The following FAM135B variants were observed in gnomAD, a reference collection of about 807,000 sequenced individuals.
The protein encoded by FAM135B is protein FAM135B.
In FAM135B, 43 loss-of-function variants were observed where a neutral mutation model predicts 127.7. The ratio of observed to expected loss-of-function variants is 0.34; its 90% confidence interval spans 0.26 to 0.43. FAM135B has a LOEUF of 0.43. Ranked by LOEUF, FAM135B falls within the 20% of genes least tolerant of loss-of-function variation. The pLI, the probability that FAM135B is intolerant of heterozygous loss-of-function variation, is 1.00. For missense variants in FAM135B, 1,558 were observed against 1,725.6 expected (o/e 0.90, Z 1.72); for synonymous variants, 670 against 665.1 (o/e 1.01, Z -0.11).
At chr8:138,487,422 G>T (rs951226585) in intron 1 of FAM135B, among the ~76,000 whole-genome samples, 1 of 151,992 alleles carries the variant, frequency 6.6e-6, no homozygotes, top group Non-Finnish European at 1.5e-5. Context: ...ACTTAATTAA[G>T]GTTAAGAACA....
intron 1 of FAM135B, among the ~76,000 whole-genome samples, chr8:138,435,344 C>T (rs1835404599): frequency 6.6e-6 from 1 of 151,968 alleles, no homozygotes; most frequent in African/African-American, 2.4e-5. Context: ...ATGCCAAACT[C>T]CATGATGATG....
intron 1 of FAM135B, among the ~76,000 whole-genome samples, chr8:138,480,607 G>A (rs1293089249): frequency 6.6e-6 from 1 of 152,010 alleles, no homozygotes; most frequent in African/African-American, 2.4e-5. Flanking sequence ...AAATGAGAGA[G>A]GTTCAGTGGA....
intron 1 of FAM135B, among the ~76,000 whole-genome samples, chr8:138,388,253 T>C (rs1832335321): frequency 6.6e-6 from 1 of 152,188 alleles, no homozygotes; most frequent in Admixed American, 6.6e-5. Context: ...TACCAAATGA[T>C]GGCAAACATG....
At chr8:138,277,474 A>G (rs958413604) in intron 3 of FAM135B, among the ~76,000 whole-genome samples, 1 of 152,186 alleles carries the variant, frequency 6.6e-6, no homozygotes, top group Non-Finnish European at 1.5e-5. Flanking sequence ...GGGTCAAGTA[A>G]TTAACTTTCA....
At chr8:138,310,608 A>G (rs1225396649) in intron 3 of FAM135B, among the ~76,000 whole-genome samples, 1 of 152,092 alleles carries the variant, frequency 6.6e-6, no homozygotes, top group African/African-American at 2.4e-5. Flanking sequence ...ATCTCCAAAT[A>G]CTGGCTGTTC....
intron 1 of FAM135B, among the ~76,000 whole-genome samples, chr8:138,384,194 C>T (rs1832040625): frequency 6.6e-6 from 1 of 152,148 alleles, no homozygotes; most frequent in South Asian, 2.1e-4. Context: ...TCACTGCATG[C>T]AGGATTAGCT....
chr8:138,174,363 T>G (rs1814228070), intron 11 of FAM135B, among the ~76,000 whole-genome samples: 1 of 152,120 alleles, frequency 6.6e-6, no homozygotes, highest in African/African-American at 2.4e-5. Flanking sequence ...CCGGGGTGAC[T>G]ACCTTTCTCC....
intron 7 of FAM135B, 58 bp from the exon 8 acceptor site, chr8:138,197,727 A>AGGGCT: frequency 6.4e-7 from 1 of 1,574,022 alleles, no homozygotes; most frequent in Non-Finnish European, 8.7e-7. Flanking sequence ...CAGGCAGCAC[A>AGGGCT]GGGCTGTGAT....
chr8:138,484,502 G>A (rs999666764), intron 1 of FAM135B, among the ~76,000 whole-genome samples: 3 of 152,128 alleles, frequency 2.0e-5, no homozygotes, highest in Admixed American at 6.5e-5. Context: ...ACAGTATTTT[G>A]CCCTCTTGGC....
In FAM135B at chr8:138,490,445, T is replaced by C. The variant is rs549094907; in HGVS notation, c.-20+6226A>G. Reference sequence around the variant, plus strand: ...GAAAGTGAGCCTAGCCCTGGAGACATGGAAGAGGGCATGCCTGGTTGGGAG... The same window carrying C: ...GAAAGTGAGCCTAGCCCTGGAGACACGGAAGAGGGCATGCCTGGTTGGGAG... On this transcript the variant is annotated intron_variant, in intron 1 of 19. Transcript: ENST00000395297. Among the ~76,000 whole-genome samples, 303 of 152,246 alleles carry C rather than the reference T, an allele frequency of 2.0e-3. 3 individuals are homozygous for C. Among genetic ancestry groups the C allele is most frequent in the African/African-American group, 7.1e-3 (296 of 41,544 alleles).
intron 9 of FAM135B, among the ~76,000 whole-genome samples, chr8:138,184,780 A>C (rs1247440503): frequency 6.6e-6 from 1 of 152,166 alleles, no homozygotes; most frequent in Non-Finnish European, 1.5e-5. Context: ...GAGTTCAAAC[A>C]CACACTATTC....
At chr8:138,436,040 T>C (rs1049466115) in intron 1 of FAM135B, among the ~76,000 whole-genome samples, 3 of 152,174 alleles carry the variant, frequency 2.0e-5, no homozygotes, top group Non-Finnish European at 4.4e-5. Flanking sequence ...ATGTGCTCCA[T>C]TGGGTCTCAT....
intron 1 of FAM135B, among the ~76,000 whole-genome samples, chr8:138,421,797 T>C (rs754889533): frequency 2.0e-5 from 3 of 152,038 alleles, no homozygotes; most frequent in Non-Finnish European, 2.9e-5. Flanking sequence ...CCAAAATTAA[T>C]ATGAAACTGA....
rs530313638 is a variant in FAM135B at position 138,391,157 on chromosome 8, T to G, written c.-19-23155A>C. 4.4e-5 allele frequency among the ~76,000 whole-genome samples: 5 copies of G among 112,820 alleles called. No individual in the cohort carries two copies. In the East Asian group the frequency reaches 1.5e-3, roughly 34 times the overall value. 74.0% of individuals were successfully genotyped at this position (112,820 alleles called of 152,430 possible). The stretch of plus-strand genomic sequence containing the variant: ...CCCTTCCCTGCAGCCCTGGAATCCC[T>G]GTCCTCCCATTAAGGCTGAGCTCCT... On this transcript the variant is annotated intron_variant, in intron 1 of 19. Transcript: ENST00000395297.
At chr8:138,213,704 TA>T (rs1818324270) in intron 7 of FAM135B, among the ~76,000 whole-genome samples, 1 of 151,668 alleles carries the variant, frequency 6.6e-6, no homozygotes, top group Admixed American at 6.6e-5. Context: ...ATGCAAGAGG[TA>T]AAAATAAATG....
At chr8:138,387,075 C>A (rs1832262416) in intron 1 of FAM135B, among the ~76,000 whole-genome samples, 1 of 152,144 alleles carries the variant, frequency 6.6e-6, no homozygotes, top group African/African-American at 2.4e-5. Flanking sequence ...ATTTATCTCC[C>A]ATTTAATCTG....
rs1207392323 is a variant in FAM135B at position 138,256,870 on chromosome 8, A to G, written c.298-111T>C. The stretch of plus-strand genomic sequence containing the variant: ...GAAACACTATCTTGTCCAAAAATCA[A>G]TGTCATTTATGCTGAAAGCAGAATT... On this transcript the variant is annotated intron_variant, in intron 4 of 19. Coordinates refer to ENST00000395297, the MANE Select transcript of FAM135B (RefSeq NM_015912.4). 9.0e-6 allele frequency: 7 copies of G among 779,982 alleles called. No individual in the cohort carries two copies. In the African/African-American group the frequency reaches 1.2e-4, roughly 13 times the overall value. The allele number at this position is 779,982 out of a possible 1,614,324, so 48.3% of individuals were successfully genotyped here. A position where few individuals can be genotyped will look rare whatever the true frequency, so the allele number is the denominator to read the frequency against.
At chr8:138,275,290 C>G (rs1823730898) in intron 3 of FAM135B, among the ~76,000 whole-genome samples, 1 of 152,186 alleles carries the variant, frequency 6.6e-6, no homozygotes, top group Admixed American at 6.5e-5. Context: ...AAATCGAATC[C>G]TTCCTATCTC....
intron 1 of FAM135B, among the ~76,000 whole-genome samples, chr8:138,406,711 C>T (rs184234575): frequency 1.5e-4 from 23 of 151,132 alleles, no homozygotes; most frequent in African/African-American, 4.6e-4. Context: ...ATTCAACAAC[C>T]GTTCATGCTA....
Sources: allele counts gnomAD v4.1 joint callset (sites outside exome capture counted in the v4.1 genomes callset), GRCh38; gene constraint gnomAD v4.1.1; transcripts MANE v1.5; gene names NCBI Gene and HGNC (gene_info 2026-07-23, HGNC 2026-07-21).